Variants in SLC14A2 observed in about 807,000 individuals in gnomAD.
SLC14A2 encodes the protein solute carrier family 14 member 2, also known as urea transporter 2.
In SLC14A2, 91 loss-of-function variants were observed where a neutral mutation model predicts 104.6. The ratio of observed to expected loss-of-function variants is 0.87; its 90% CI spans 0.73 to 1.04. The LOEUF (loss-of-function observed/expected upper bound fraction) is 1.04, where lower values mean the gene tolerates loss of function less well. SLC14A2 is among the 50% of genes least tolerant of loss of function. The probability of loss-of-function intolerance (pLI) is 0.00; values close to 1 mark genes in which losing one functional copy is unlikely to be tolerated. For missense variants in SLC14A2, 1,189 were observed against 1,156.0 expected, an observed-to-expected ratio of 1.03 and a Z score of -0.41; for synonymous variants, 476 against 466.4, an observed-to-expected ratio of 1.02 and a Z score of -0.27.
At chr18:45,654,564 T>C (rs2045798304) in intron 10 of SLC14A2, among the ~76,000 whole-genome samples, 1 of 152,194 alleles carries the variant, frequency 6.6e-6, no homozygotes, top group African/African-American at 2.4e-5. Context: ...TTCTTCCTTC[T>C]GTTGAACTGC....
chr18:45,540,461 G>A (rs1178480271), intron 2 of SLC14A2, among the ~76,000 whole-genome samples: 1 of 152,122 alleles, frequency 6.6e-6, no homozygotes, highest in Admixed American at 6.5e-5. Flanking sequence ...TTCCAGAGTG[G>A]GCCGGGTGCG....
At chr18:45,511,214 C>T (rs2043361483) in intron 2 of SLC14A2, among the ~76,000 whole-genome samples, 1 of 152,146 alleles carries the variant, frequency 6.6e-6, no homozygotes, top group African/African-American at 2.4e-5. Flanking sequence ...TTATGTATAG[C>T]CTTACATTAT....
intron 2 of SLC14A2, among the ~76,000 whole-genome samples, chr18:45,506,959 G>T (rs1014683353): frequency 2.0e-5 from 3 of 152,156 alleles, no homozygotes; most frequent in Non-Finnish European, 2.9e-5. Context: ...TCCTCAAGGG[G>T]ATATCACCAC....
intron 2 of SLC14A2, among the ~76,000 whole-genome samples, chr18:45,540,323 A>G (rs899249589): frequency 6.6e-6 from 1 of 151,920 alleles, no homozygotes; most frequent in African/African-American, 2.4e-5. Flanking sequence ...ATTCCTTTCC[A>G]TCCAGCCCCA....
At chr18:45,569,468 T>C (rs1299770087) in intron 2 of SLC14A2, among the ~76,000 whole-genome samples, 1 of 152,242 alleles carries the variant, frequency 6.6e-6, no homozygotes, top group East Asian at 1.9e-4. Context: ...AAATTCAAGA[T>C]TTAGAGATCC....
chr18:45,613,307 C>A (rs1181035609), upstream of SLC14A2, among the ~76,000 whole-genome samples: 1 of 152,202 alleles, frequency 6.6e-6, no homozygotes, highest in Non-Finnish European at 1.5e-5. Flanking sequence ...CAGGTGTGAG[C>A]CACTGCGCCT....
chr18:45,576,107 T>C (rs1260038468), intron 2 of SLC14A2, among the ~76,000 whole-genome samples: 1 of 152,164 alleles, frequency 6.6e-6, no homozygotes. Context: ...CTGTTTCAGA[T>C]ACTTATGACT....
intron 10 of SLC14A2, among the ~76,000 whole-genome samples, chr18:45,657,325 C>CAAA (rs376881497): frequency 7.1e-6 from 1 of 141,832 alleles, no homozygotes; most frequent in African/African-American, 2.6e-5. Context: ...TACAAAAATA[C>CAAA]AAAAAAAAAA....
At chr18:45,413,453 T>C (rs933566411) in intron 1 of SLC14A2, among the ~76,000 whole-genome samples, 2 of 152,172 alleles carry the variant, frequency 1.3e-5, no homozygotes, top group Non-Finnish European at 2.9e-5. Flanking sequence ...AAAACTAATA[T>C]ATTCAAGCAG....
chr18:45,450,050 C>T (rs530487000), intron 1 of SLC14A2, among the ~76,000 whole-genome samples: 6 of 152,292 alleles, frequency 3.9e-5, no homozygotes, highest in African/African-American at 9.6e-5. Context: ...TGCTAATGCC[C>T]GCTTCTTCTA....
intron 1 of SLC14A2, among the ~76,000 whole-genome samples, chr18:45,218,811 C>T (rs1028491771): frequency 6.6e-6 from 1 of 151,756 alleles, no homozygotes; most frequent in East Asian, 1.9e-4. Flanking sequence ...AAGGTCAAAT[C>T]GATTTGTGAG....
intron 1 of SLC14A2, among the ~76,000 whole-genome samples, chr18:45,239,445 G>A (rs1424986028): frequency 2.0e-5 from 3 of 152,248 alleles, no homozygotes; most frequent in Non-Finnish European, 4.4e-5. Context: ...TTTACCATGT[G>A]TGTATGCAAC....
intron 1 of SLC14A2, among the ~76,000 whole-genome samples, chr18:45,473,589 T>C (rs2087294130): frequency 6.6e-6 from 1 of 152,242 alleles, no homozygotes; most frequent in African/African-American, 2.4e-5. Flanking sequence ...GAAGAGGTCC[T>C]TCACATCCCT....
chr18:45,269,635 G>A (rs1278964655), intron 1 of SLC14A2, among the ~76,000 whole-genome samples: 1 of 152,076 alleles, frequency 6.6e-6, no homozygotes, highest in Non-Finnish European at 1.5e-5. Flanking sequence ...TTCGAGACAA[G>A]ACCATAGCTG....
chr18:45,288,875 T>A (rs1245932939), intron 1 of SLC14A2, among the ~76,000 whole-genome samples: 2 of 152,220 alleles, frequency 1.3e-5, no homozygotes, highest in African/African-American at 4.8e-5. Flanking sequence ...CTACTTGTAG[T>A]TCCTGTGGGG....
intron 1 of SLC14A2, among the ~76,000 whole-genome samples, chr18:45,372,082 T>C (rs1012222272): frequency 3.9e-5 from 6 of 152,022 alleles, no homozygotes; most frequent in Admixed American, 6.6e-5. Context: ...GAGGCTGAGG[T>C]GGGCAGATCA....
At chr18:45,560,362 C>T (rs1489911226) in intron 2 of SLC14A2, among the ~76,000 whole-genome samples, 1 of 152,146 alleles carries the variant, frequency 6.6e-6, no homozygotes, top group East Asian at 1.9e-4. Flanking sequence ...CCCATCTCTA[C>T]CCCCAGAATC....
intron 1 of SLC14A2, among the ~76,000 whole-genome samples, chr18:45,279,943 G>A (rs371283917): frequency 5.9e-5 from 9 of 152,168 alleles, no homozygotes; most frequent in East Asian, 1.9e-4. Context: ...GGGATATTTA[G>A]CAGCTTCCCT....
chr18:45,669,144 G>A (rs1301813112), intron 15 of SLC14A2, among the ~76,000 whole-genome samples, 162 bp from the exon 16 acceptor site: 3 of 152,220 alleles, frequency 2.0e-5, no homozygotes, highest in Non-Finnish European at 4.4e-5. Context: ...GTGCAGGGAG[G>A]AAGAGGCCCA....
Sources: allele counts gnomAD v4.1 joint callset (sites outside exome capture counted in the v4.1 genomes callset), GRCh38; gene constraint gnomAD v4.1.1; transcripts MANE v1.5; gene names NCBI Gene and HGNC (gene_info 2026-07-23, HGNC 2026-07-21).